SPOCK3: variants seen among roughly 807,000 people sequenced by gnomAD.
The protein encoded by SPOCK3 is testican-3.
Under a neutral mutation model 56.6 loss-of-function variants are expected in SPOCK3, and 30 were observed. The observed-to-expected ratio is 0.53, with a 90% CI of 0.40 to 0.72. The LOEUF (loss-of-function observed/expected upper bound fraction) is 0.72, where lower values mean the gene tolerates loss of function less well. Ranked by LOEUF, SPOCK3 falls within the 30% of genes least tolerant of loss-of-function variation. The probability of loss-of-function intolerance (pLI) is 0.00; values close to 1 mark genes in which losing one functional copy is unlikely to be tolerated. For synonymous variants in SPOCK3, 196 were observed against 183.3 expected, an observed-to-expected ratio of 1.07 and a Z score of -0.56; for missense variants, 527 against 530.0, an observed-to-expected ratio of 0.99 and a Z score of 0.06.
intron 7 of SPOCK3, among the ~76,000 whole-genome samples, chr4:166,783,780 C>T (rs1477527213): frequency 6.6e-6 from 1 of 152,004 alleles, no homozygotes; most frequent in African/African-American, 2.4e-5. Context: ...ACTATCACTT[C>T]TTGATGCTTT....
At chr4:166,870,855 T>C (rs1315931680) in intron 6 of SPOCK3, among the ~76,000 whole-genome samples, 5 of 152,058 alleles carry the variant, frequency 3.3e-5, no homozygotes, top group Non-Finnish European at 7.4e-5. Flanking sequence ...GGGAGGTGAT[T>C]GGATCATGGG....
rs557448313 is a variant in SPOCK3, at chr4:166,805,786, G to A, written c.590-13497C>T. 9.2e-5 allele frequency among the ~76,000 whole-genome samples: 14 copies of A among 151,558 alleles called. No homozygotes were observed. In the South Asian group the frequency reaches 2.3e-3, roughly 25 times the overall value. On this transcript the variant is annotated intron_variant, in intron 6 of 10. Coordinates refer to ENST00000357545, the MANE Select transcript of SPOCK3 (RefSeq NM_001040159.2). ...CATCTGACATAATAAAAACTGACTG[G>A]CTTTGCAAGAGCAAAATATGTAAGT...
At chr4:166,998,426 G>T (rs1339299847) in intron 4 of SPOCK3, among the ~76,000 whole-genome samples, 1 of 152,006 alleles carries the variant, frequency 6.6e-6, no homozygotes, top group Non-Finnish European at 1.5e-5. Context: ...GAAGATTTTT[G>T]CCTGTAGTTA....
chr4:166,842,385 C>T (rs2126837029), intron 6 of SPOCK3, among the ~76,000 whole-genome samples: 1 of 152,234 alleles, frequency 6.6e-6, no homozygotes, highest in South Asian at 2.1e-4. Context: ...CTGATTGGTG[C>T]ATTTACAATC....
chr4:166,998,833 A>G (rs1748660477), intron 4 of SPOCK3, among the ~76,000 whole-genome samples: 1 of 152,130 alleles, frequency 6.6e-6, no homozygotes, highest in Admixed American at 6.6e-5. Context: ...GAGATCATAT[A>G]TGAATCCCTT....
At chr4:167,217,075 G>C (rs1458909353) in intron 2 of SPOCK3, among the ~76,000 whole-genome samples, 1 of 151,970 alleles carries the variant, frequency 6.6e-6, no homozygotes, top group African/African-American at 2.4e-5. Context: ...AAAACAATTT[G>C]TTAAACACGG....
At chr4:167,054,337 T>G (rs897326735) in intron 3 of SPOCK3, among the ~76,000 whole-genome samples, 1 of 152,208 alleles carries the variant, frequency 6.6e-6, no homozygotes, top group Non-Finnish European at 1.5e-5. Flanking sequence ...CTACAGCATA[T>G]TCATCTAAAG....
In SPOCK3 at chr4:166,745,889, A is replaced by G. The variant is rs190764728; in HGVS notation, c.932-3830T>C. Among the ~76,000 whole-genome samples, 494 of 152,364 alleles carry G rather than the reference A, an allele frequency of 3.2e-3. 3 individuals are homozygous for G. Among genetic ancestry groups the G allele is most frequent in the African/African-American group, 0.011 (453 of 41,586 alleles). On this transcript the variant is annotated intron_variant, in intron 8 of 10. Transcript: ENST00000357545. Reference sequence around the variant, plus strand: ...CCAACAAAGATCAAAAGACAAAAAGAAGGCCATTACATAATGGTAAAGGCA... The same window carrying G: ...CCAACAAAGATCAAAAGACAAAAAGGAGGCCATTACATAATGGTAAAGGCA...
intron 2 of SPOCK3, among the ~76,000 whole-genome samples, chr4:167,083,734 A>C (rs968309086): frequency 6.6e-6 from 1 of 152,110 alleles, no homozygotes; most frequent in Non-Finnish European, 1.5e-5. Context: ...AAAGATAGGG[A>C]TAACAAGAGA....
At chr4:166,869,165 C>G (rs188355701) in intron 6 of SPOCK3, among the ~76,000 whole-genome samples, 4 of 130,740 alleles carry the variant, frequency 3.1e-5, no homozygotes, top group African/African-American at 1.0e-4. Flanking sequence ...GGTGCCTGAT[C>G]TTGCAGGATC....
intron 3 of SPOCK3, among the ~76,000 whole-genome samples, chr4:167,056,691 G>A (rs1483278278): frequency 3.3e-5 from 5 of 151,642 alleles, no homozygotes; most frequent in African/African-American, 7.3e-5. Context: ...TATCAGTGAT[G>A]GAAGATGAAA....
At chr4:167,158,569 C>T (rs1765013001) in intron 2 of SPOCK3, among the ~76,000 whole-genome samples, 1 of 151,916 alleles carries the variant, frequency 6.6e-6, no homozygotes, top group Non-Finnish European at 1.5e-5. Flanking sequence ...AGTAAATAAC[C>T]TTTGAGAGTT....
chr4:167,083,500 G>A lies in SPOCK3; in HGVS notation c.190-20963C>T, dbSNP rs543941162. Reference sequence around the variant, plus strand: ...CTGGTATCTCCATGCAGACTGCTCCGCTGTGTGAAGGACTGTATTGTCATT... The same window carrying A: ...CTGGTATCTCCATGCAGACTGCTCCACTGTGTGAAGGACTGTATTGTCATT... On this transcript the variant is annotated intron_variant, in intron 2 of 10. Coordinates refer to ENST00000357545, the MANE Select transcript of SPOCK3 (RefSeq NM_001040159.2). Among the ~76,000 whole-genome samples, 53 of 152,172 alleles carry A rather than the reference G, an allele frequency of 3.5e-4. 1 individual carries two copies. In the Middle Eastern group the frequency reaches 0.01, roughly 29 times the overall value.
chr4:166,750,924 T>G (rs1169735519), intron 8 of SPOCK3, among the ~76,000 whole-genome samples: 4 of 152,174 alleles, frequency 2.6e-5, no homozygotes, highest in Non-Finnish European at 4.4e-5. Context: ...GGTTTGTGAA[T>G]GAATCTCTAA....
chr4:166,946,156 C>T lies in SPOCK3; in HGVS notation c.351-33413G>A, dbSNP rs144670199. Among the ~76,000 whole-genome samples, 1,456 of 152,136 alleles carry T rather than the reference C, an allele frequency of 9.6e-3. 28 individuals carry two copies. The highest frequency in any genetic ancestry group is 0.033 in the African/African-American group (1,353 of 41,478). ...CTCTGTTTTGCTCATAAAAATGTCC[C>T]AGTTTGGAGAGTAATAACTTACTCT... On this transcript the variant is annotated intron_variant, in intron 4 of 10. Coordinates refer to ENST00000357545, the MANE Select transcript of SPOCK3 (RefSeq NM_001040159.2).
At chr4:166,870,079 T>C (rs1732295314) in intron 6 of SPOCK3, among the ~76,000 whole-genome samples, 1 of 152,060 alleles carries the variant, frequency 6.6e-6, no homozygotes, top group Admixed American at 6.6e-5. Flanking sequence ...GTGGCTATCA[T>C]GAAATCTTCT....
rs182092369 is a variant in SPOCK3, at chr4:166,780,580, G to A, written c.709+11590C>T. Among the ~76,000 whole-genome samples the A allele has an allele frequency of 2.4e-4, 36 of 152,188 alleles. No individual in the cohort carries two copies. The East Asian group carries it at 6.2e-3, about 26-fold the overall frequency. ...AATATCCTGTCACTCTCTAGATATA[G>A]GTGAGGATCCCTTGCACCAAAGGAA... On this transcript the variant is annotated intron_variant, in intron 7 of 10. Transcript: ENST00000357545.
At chr4:166,870,727 G>A (rs1192879898) in intron 6 of SPOCK3, among the ~76,000 whole-genome samples, 2 of 152,042 alleles carry the variant, frequency 1.3e-5, no homozygotes, top group Non-Finnish European at 2.9e-5. Flanking sequence ...GCATTGAATA[G>A]ATATGTTAGA....
intron 6 of SPOCK3, among the ~76,000 whole-genome samples, chr4:166,808,037 G>A (rs777860552): frequency 3.9e-5 from 6 of 152,064 alleles, no homozygotes; most frequent in Admixed American, 6.6e-5. Flanking sequence ...TATTTCCAGA[G>A]TAGATTTTAC....
Sources: allele counts gnomAD v4.1 joint callset (sites outside exome capture counted in the v4.1 genomes callset), GRCh38; gene constraint gnomAD v4.1.1; transcripts MANE v1.5; gene names NCBI Gene and HGNC (gene_info 2026-07-23, HGNC 2026-07-21).